Variants in STK32A observed in about 807,000 individuals in gnomAD.
STK32A encodes serine/threonine-protein kinase 32A.
A neutral mutation model predicts 53.2 loss-of-function variants in STK32A; 41 were observed. The observed-to-expected ratio is 0.77, with a 90% CI of 0.60 to 1.00. The LOEUF (loss-of-function observed/expected upper bound fraction) is 1.00, where lower values mean the gene tolerates loss of function less well. STK32A is among the 50% of genes least tolerant of loss of function. The probability of loss-of-function intolerance (pLI) is 0.00; values close to 1 mark genes in which losing one functional copy is unlikely to be tolerated. For missense variants in STK32A, 458 were observed against 485.8 expected, an observed-to-expected ratio of 0.94 and a Z score of 0.54; for synonymous variants, 166 against 162.8, an observed-to-expected ratio of 1.02 and a Z score of -0.15.
At chr5:147,304,386 ACT>A (rs1482878284) in intron 4 of STK32A, among the ~76,000 whole-genome samples, 1 of 151,936 alleles carries the variant, frequency 6.6e-6, no homozygotes, top group African/African-American at 2.4e-5. Context: ...AATCAGGAAA[ACT>A]CTTTTAGCTC....
chr5:147,280,640 C>T (rs1378629149), intron 4 of STK32A, among the ~76,000 whole-genome samples: 3 of 151,628 alleles, frequency 2.0e-5, no homozygotes, highest in African/African-American at 4.9e-5. Flanking sequence ...CAGCAAGGCC[C>T]ACCCAAAGGA....
chr5:147,279,396 G>A lies in STK32A; in HGVS notation c.258G>A (p.Leu86=). ...TGGAGCACCCTTTCCTGGTTAATTTGTGGTGAGTAATTTTACTGGACCTCT... is the reference window on the plus strand; with the variant it reads ...TGGAGCACCCTTTCCTGGTTAATTTATGGTGAGTAATTTTACTGGACCTCT... ...QGLEHPFLVN[L]WYSFQDEEDM... Residue 86 remains leucine (L), a splice_region_variant and synonymous_variant, in exon 4 of 13, where the codon TTG becomes TTA. Coordinates refer to ENST00000397936, the MANE Select transcript of STK32A (RefSeq NM_001112724.2). 6.3e-7 allele frequency: 1 copy of A among 1,575,630 alleles called. No homozygotes were observed. Among genetic ancestry groups the A allele is most frequent in the Non-Finnish European group, 8.6e-7 (1 of 1,160,068 alleles).
chr5:147,355,126 C>T (rs565222554), intron 7 of STK32A, among the ~76,000 whole-genome samples: 1 of 152,224 alleles, frequency 6.6e-6, no homozygotes, highest in East Asian at 1.9e-4. Flanking sequence ...GAAAACTAAC[C>T]AAAATACTGA....
At chr5:147,400,518 C>A in the STK32A span, among the ~76,000 whole-genome samples, 1 of 152,206 alleles carries the variant, frequency 6.6e-6, no homozygotes, top group African/African-American at 2.4e-5. Flanking sequence ...GGATTCATCA[C>A]ACTAGAAGGA....
chr5:147,353,019 G>A (rs955197165), intron 7 of STK32A, among the ~76,000 whole-genome samples: 2 of 152,206 alleles, frequency 1.3e-5, no homozygotes, highest in Non-Finnish European at 2.9e-5. Context: ...TCTAGGCATA[G>A]TGTGATTTAA....
chr5:147,256,114 G>A (rs1447744056), intron 2 of STK32A, among the ~76,000 whole-genome samples: 20 of 152,130 alleles, frequency 1.3e-4, no homozygotes, highest in Admixed American at 1.2e-3. Context: ...CCACACATCC[G>A]CTCGGGGATG....
In STK32A at chr5:147,335,185, A is replaced by G. The variant is rs145757185; in HGVS notation, c.435-7821A>G. On this transcript the variant is annotated intron_variant, in intron 5 of 12. Transcript: ENST00000397936. The stretch of plus-strand genomic sequence containing the variant: ...GGGATTACTATACTACGAGTTTTAC[A>G]TGTACCATTTAACTAAATCATTACG... Among the ~76,000 whole-genome samples, 418 of 152,310 alleles carry G rather than the reference A, an allele frequency of 2.7e-3. 3 individuals carry two copies. The highest frequency in any genetic ancestry group is 9.4e-3 in the African/African-American group (392 of 41,574).
intron 8 of STK32A, among the ~76,000 whole-genome samples, chr5:147,368,174 A>C (rs918924112): frequency 6.6e-6 from 1 of 152,244 alleles, no homozygotes; most frequent in Non-Finnish European, 1.5e-5. Context: ...CATCTTTTAT[A>C]GTTTCATATT....
chr5:147,235,496 C>A (rs1476661045), intron 1 of STK32A, among the ~76,000 whole-genome samples: 1 of 152,210 alleles, frequency 6.6e-6, no homozygotes, highest in Non-Finnish European at 1.5e-5. Flanking sequence ...CAAAACCTAG[C>A]TGCCTTTGAT....
At chr5:147,255,199 A>T (rs1754176334) in intron 2 of STK32A, among the ~76,000 whole-genome samples, 1 of 152,250 alleles carries the variant, frequency 6.6e-6, no homozygotes, top group African/African-American at 2.4e-5. Flanking sequence ...GTCTTTGAAA[A>T]GAAATTTAGA....
At chr5:147,259,105 G>A (rs1054613150) in intron 2 of STK32A, among the ~76,000 whole-genome samples, 4 of 151,964 alleles carry the variant, frequency 2.6e-5, no homozygotes, top group African/African-American at 9.7e-5. Context: ...TGTCCTGAAG[G>A]GATTTAGATC....
At position 147,383,913 on chromosome 5, in the gene STK32A, G is replaced by T. The variant is rs372909258; in HGVS notation, c.1121G>T (p.Arg374Ile). The change falls in exon 13 of 13, where the codon AGA (arginine) becomes ATA (isoleucine). Residue 374 changes from arginine to isoleucine, a missense_variant. Coordinates refer to ENST00000397936, the MANE Select transcript of STK32A (RefSeq NM_001112724.2). ...AGAGTAAACAGGGACTTTAACAAAA[G>T]ACAACCAAATCTAGCCTTGGAACAA... The part of the protein sequence containing the change: ...REKVNRDFNK[R>I]QPNLALEQTK... 1.9e-6 allele frequency: 3 copies of T among 1,592,816 alleles called. No individual in the cohort carries two copies. The highest frequency in any genetic ancestry group is 2.7e-5 in the African/African-American group (2 of 72,912).
intron 5 of STK32A, among the ~76,000 whole-genome samples, chr5:147,326,179 CCT>C (rs200809553): frequency 8.5e-5 from 13 of 152,086 alleles, no homozygotes; most frequent in Admixed American, 4.6e-4. Flanking sequence ...CTGTTCTTTC[CCT>C]CTCTTTTTTT....
intron 4 of STK32A, among the ~76,000 whole-genome samples, chr5:147,301,049 A>C (rs1013704500): frequency 6.6e-6 from 1 of 152,216 alleles, no homozygotes; most frequent in Non-Finnish European, 1.5e-5. Flanking sequence ...TGTTTGCAAT[A>C]TGGAAATTCA....
chr5:147,339,280 C>T lies in STK32A; in HGVS notation c.435-3726C>T, dbSNP rs1755288123. ...TGCTTCAGAGGGTGTAAGCAGCAAG[C>T]CTTGGTGGCTTACGCATGGTGTTGG... On this transcript the variant is annotated intron_variant, in intron 5 of 12. Coordinates refer to ENST00000397936, the MANE Select transcript of STK32A (RefSeq NM_001112724.2). 2.0e-5 allele frequency among the ~76,000 whole-genome samples: 3 copies of T among 152,190 alleles called. No homozygotes were observed. The South Asian group carries it at 6.2e-4, about 32-fold the overall frequency.
chr5:147,395,961 C>T, the STK32A span, among the ~76,000 whole-genome samples: 2 of 152,034 alleles, frequency 1.3e-5, no homozygotes, highest in Non-Finnish European at 2.9e-5. Context: ...TCAGAAGGAT[C>T]AAAGGACGTT....
chr5:147,249,507 G>A (rs192740298), intron 2 of STK32A, among the ~76,000 whole-genome samples: 5 of 152,170 alleles, frequency 3.3e-5, no homozygotes, highest in East Asian at 1.9e-4. Context: ...TCTGGGGGGT[G>A]GGAGGCAGAG....
chr5:147,317,634 T>G (rs1413143907), intron 4 of STK32A, among the ~76,000 whole-genome samples: 1 of 152,076 alleles, frequency 6.6e-6, no homozygotes, highest in Non-Finnish European at 1.5e-5. Flanking sequence ...CCACCCTTGG[T>G]TTTTTTCAAC....
intron 4 of STK32A, among the ~76,000 whole-genome samples, chr5:147,313,535 G>A (rs1753807621): frequency 1.3e-5 from 2 of 152,120 alleles, no homozygotes; most frequent in Non-Finnish European, 2.9e-5. Flanking sequence ...ATCTCAGCTG[G>A]CTTCTTTGCA....
Sources: gnomAD v4.1 joint callset for allele counts (sites outside exome capture counted in the v4.1 genomes callset) on GRCh38, gnomAD v4.1.1 for gene constraint, MANE v1.5 for transcripts, NCBI Gene and HGNC (gene_info 2026-07-23, HGNC 2026-07-21) for gene names.